Variants in FBXL7 observed in about 807,000 individuals in gnomAD.
The protein encoded by FBXL7 is F-box/LRR-repeat protein 7.
FBXL7 carries 12 observed loss-of-function variants against 38.3 expected under a neutral mutation model. That is an observed-to-expected ratio of 0.31 (90% CI 0.20 to 0.51). The LOEUF (loss-of-function observed/expected upper bound fraction) is 0.51. Among genes scored for constraint, FBXL7 ranks in the 20% least tolerant of loss-of-function variants. FBXL7 has a pLI of 0.98. For missense variants in FBXL7, 567 were observed against 676.4 expected (o/e 0.84, Z 1.79); for synonymous variants, 297 against 300.9 (o/e 0.99, Z 0.13).
chr5:15,584,959 T>C (rs1739258646), intron 1 of FBXL7, among the ~76,000 whole-genome samples: 1 of 152,244 alleles, frequency 6.6e-6, no homozygotes, highest in African/African-American at 2.4e-5. Flanking sequence ...ACAAATTAGT[T>C]GTGTGGAGTT....
intron 2 of FBXL7, among the ~76,000 whole-genome samples, chr5:15,742,457 C>G (rs756139250): frequency 2.6e-5 from 4 of 152,216 alleles, no homozygotes; most frequent in African/African-American, 9.7e-5. Context: ...ATGGCTATAT[C>G]ATTTCCTCCC....
intron 1 of FBXL7, among the ~76,000 whole-genome samples, chr5:15,529,606 T>C (rs1737361853): frequency 6.6e-6 from 1 of 152,080 alleles, no homozygotes; most frequent in African/African-American, 2.4e-5. Flanking sequence ...GCCAGGATGG[T>C]CGCGATCTCC....
intron 2 of FBXL7, among the ~76,000 whole-genome samples, chr5:15,714,351 G>C (rs1024457458): frequency 2.0e-5 from 3 of 152,262 alleles, no homozygotes; most frequent in Middle Eastern, 6.8e-3. Context: ...TTCCATGACT[G>C]TGAGATTCCT....
chr5:15,827,414 A>C (rs941508025), intron 2 of FBXL7, among the ~76,000 whole-genome samples: 10 of 152,180 alleles, frequency 6.6e-5, no homozygotes, highest in Middle Eastern at 3.2e-3. Flanking sequence ...AGCAGGTCAA[A>C]TCATCAGCTA....
chr5:15,884,895 TA>T (rs964763766), intron 2 of FBXL7, among the ~76,000 whole-genome samples: 41 of 152,318 alleles, frequency 2.7e-4, no homozygotes, highest in Admixed American at 7.2e-4. Flanking sequence ...TTACCCTTTT[TA>T]AAAACCCAAA....
rs755812240 is a variant in FBXL7, at chr5:15,928,395, C to T, written c.633C>T (p.Cys211=). 6.2e-7 allele frequency: 1 copy of T among 1,614,074 alleles called. No homozygotes were observed. The highest frequency in any genetic ancestry group is 1.3e-5 in the African/African-American group (1 of 75,066). ...DRGLYTIAQC[C]PELRRLEVSG... ...GGCTGTACACCATCGCCCAGTGCTGCCCCGAACTGAGGCGACTGGAAGTCT... is the reference window on the plus strand; with the variant it reads ...GGCTGTACACCATCGCCCAGTGCTGTCCCGAACTGAGGCGACTGGAAGTCT... Residue 211 remains cysteine (C), a synonymous_variant, in exon 3 of 4, where the codon TGC becomes TGT. Coordinates refer to ENST00000504595, the MANE Select transcript of FBXL7 (RefSeq NM_012304.5). This position sits in a 1 kb window ranked among gnomAD's most constrained non-coding sequence, Gnocchi z 4.0.
At chr5:15,704,062 G>T (rs1743607935) in intron 2 of FBXL7, among the ~76,000 whole-genome samples, 1 of 152,130 alleles carries the variant, frequency 6.6e-6, no homozygotes, top group South Asian at 2.1e-4. Flanking sequence ...CTGGGTTTCT[G>T]CTCATTCTGC....
At chr5:15,524,762 T>C (rs143549388) in intron 1 of FBXL7, among the ~76,000 whole-genome samples, 24 of 152,342 alleles carry the variant, frequency 1.6e-4, no homozygotes, top group Non-Finnish European at 2.8e-4. Context: ...TCATAGGAGA[T>C]TAAATTATAA....
Position 15,772,261 on chromosome 5 carries a change from A to G in FBXL7, c.128-155629A>G, listed in dbSNP as rs188506825. ...TGCAGGGTAGTTCAACCTAAGGGAGATGTCAGGCACAGTTTACAGGTGCTC... is the reference window on the plus strand; with the variant it reads ...TGCAGGGTAGTTCAACCTAAGGGAGGTGTCAGGCACAGTTTACAGGTGCTC... On this transcript the variant is annotated intron_variant, in intron 2 of 3. Coordinates refer to ENST00000504595, the MANE Select transcript of FBXL7 (RefSeq NM_012304.5). Among the ~76,000 whole-genome samples, 60 of 152,244 alleles carry G rather than the reference A, an allele frequency of 3.9e-4. 1 individual carries two copies. The East Asian group carries it at 0.011, about 28-fold the overall frequency.
intron 2 of FBXL7, among the ~76,000 whole-genome samples, chr5:15,736,002 C>T (rs1735739403): frequency 2.0e-5 from 3 of 152,124 alleles, no homozygotes; most frequent in Admixed American, 6.5e-5. Context: ...TCATAGTAAG[C>T]CATGGAATTG....
At chr5:15,622,165 TC>T (rs1269153024) in intron 2 of FBXL7, among the ~76,000 whole-genome samples, 1 of 152,134 alleles carries the variant, frequency 6.6e-6, no homozygotes, top group Non-Finnish European at 1.5e-5. Context: ...CACAATTGTT[TC>T]ACATGGTGTA....
At chr5:15,746,632 A>G (rs1736022412) in intron 2 of FBXL7, among the ~76,000 whole-genome samples, 1 of 152,030 alleles carries the variant, frequency 6.6e-6, no homozygotes, top group African/African-American at 2.4e-5. Flanking sequence ...CACTGCCTAA[A>G]GCCATTGCAT....
At position 15,502,175 on chromosome 5, in the gene FBXL7, A is replaced by G. The variant is rs375406181; in HGVS notation, c.37+1462A>G. 5.3e-5 allele frequency among the ~76,000 whole-genome samples: 8 copies of G among 152,208 alleles called. No individual in the cohort carries two copies. In the East Asian group the frequency reaches 1.5e-3, roughly 29 times the overall value. On this transcript the variant is annotated intron_variant, in intron 1 of 3. Coordinates refer to ENST00000504595, the MANE Select transcript of FBXL7 (RefSeq NM_012304.5). ...AGTTCTGGGTGTATGCTAGTTGAAC[A>G]CTGTCGGGGGGAGAAAGACAGCCCA... is the stretch of plus-strand genomic sequence containing the variant.
At chr5:15,527,861 C>T (rs1737297125) in intron 1 of FBXL7, among the ~76,000 whole-genome samples, 1 of 152,170 alleles carries the variant, frequency 6.6e-6, no homozygotes, top group African/African-American at 2.4e-5. Context: ...TCTGGACTCT[C>T]ATATTTCTCC....
chr5:15,863,617 C>T (rs1468859735), intron 2 of FBXL7, among the ~76,000 whole-genome samples: 2 of 152,180 alleles, frequency 1.3e-5, no homozygotes, highest in Non-Finnish European at 2.9e-5. Flanking sequence ...CACCAAATCT[C>T]ATGTTGAAAT....
At chr5:15,602,214 T>C (rs1325020325) in intron 1 of FBXL7, 1 of 152,160 alleles carries the variant, frequency 6.6e-6, no homozygotes, top group Non-Finnish European at 1.5e-5. Flanking sequence ...TTTTATTATT[T>C]TCAATCACCC....
At chr5:15,840,609 G>T (rs1302821313) in intron 2 of FBXL7, among the ~76,000 whole-genome samples, 2 of 152,076 alleles carry the variant, frequency 1.3e-5, no homozygotes. Context: ...AGCACTTTGG[G>T]AGGCCGAGCC....
chr5:15,509,553 A>G (rs937727019), intron 1 of FBXL7, among the ~76,000 whole-genome samples: 5 of 152,214 alleles, frequency 3.3e-5, no homozygotes, highest in African/African-American at 1.2e-4. Context: ...AACGTCTTTA[A>G]TTCCTGAAAT....
At chr5:15,684,056 A>G (rs752968922) in intron 2 of FBXL7, among the ~76,000 whole-genome samples, 3 of 152,176 alleles carry the variant, frequency 2.0e-5, no homozygotes, top group Non-Finnish European at 2.9e-5. Flanking sequence ...ATAAATTTCA[A>G]TATGGTTTAA....
Sources: gnomAD v4.1 joint callset for allele counts (sites outside exome capture counted in the v4.1 genomes callset) on GRCh38, gnomAD v4.1.1 for gene constraint, Gnocchi (gnomAD v3.1) non-coding constraint, MANE v1.5 for transcripts, NCBI Gene and HGNC (gene_info 2026-07-23, HGNC 2026-07-21) for gene names.